PTPN13: variants seen among roughly 807,000 people sequenced by gnomAD.
PTPN13 encodes tyrosine-protein phosphatase non-receptor type 13.
Under a neutral mutation model 284.0 loss-of-function variants are expected in PTPN13, and 191 were observed. The ratio of observed to expected loss-of-function variants is 0.67; its 90% CI spans 0.60 to 0.76. The LOEUF is 0.76. Among genes scored for constraint, PTPN13 ranks in the 30% least tolerant of loss-of-function variants. The probability of loss-of-function intolerance (pLI) is 0.00; values close to 1 mark genes in which losing one functional copy is unlikely to be tolerated. For missense variants in PTPN13, 2,797 were observed against 2,939.9 expected (o/e 0.95, Z 1.12); for synonymous variants, 986 against 1,022.3 (o/e 0.96, Z 0.68).
chr4:86,812,787 T>C (rs183948248), intron 47 of PTPN13, among the ~76,000 whole-genome samples: 293 of 152,186 alleles, frequency 1.9e-3, no homozygotes, highest in Non-Finnish European at 3.5e-3. Context: ...TCCAGGACTT[T>C]GGCTTTTCTC....
chr4:86,729,243 C>T (rs561347276), intron 10 of PTPN13, among the ~76,000 whole-genome samples: 1 of 149,580 alleles, frequency 6.7e-6, no homozygotes, highest in East Asian at 1.9e-4. Flanking sequence ...TTGTGGGTAA[C>T]CCGACCTTTC....
At chr4:86,675,368 G>A (rs561646654) in intron 3 of PTPN13, among the ~76,000 whole-genome samples, 3 of 152,308 alleles carry the variant, frequency 2.0e-5, no homozygotes, top group Admixed American at 1.3e-4. Context: ...GGTCAGAAGA[G>A]TAGCCATATA....
At chr4:86,652,847 C>G (rs1227232408) in intron 2 of PTPN13, among the ~76,000 whole-genome samples, 1 of 151,686 alleles carries the variant, frequency 6.6e-6, no homozygotes, top group Admixed American at 6.6e-5. Flanking sequence ...CACTGTCTGT[C>G]TTTACATCCT....
At position 86,774,557 on chromosome 4, in the gene PTPN13, A is replaced by G. The variant is rs370918034; in HGVS notation, c.5508+26A>G. 1.5e-5 allele frequency: 24 copies of G among 1,563,486 alleles called. No individual in the cohort carries two copies. The East Asian group carries it at 4.6e-4, about 30-fold the overall frequency. On this transcript the variant is annotated intron_variant, in intron 33 of 47. Transcript: ENST00000411767. The stretch of plus-strand genomic sequence containing the variant: ...GTGAGACATTTAAGAGGAATGGATT[A>G]TTTGTGTAAATGTAGACAAAGAGCA...
At chr4:86,688,167 C>T (rs17419929) in intron 4 of PTPN13, among the ~76,000 whole-genome samples, 25,367 of 151,774 alleles carry the variant, frequency 0.17, 2,447 homozygotes, top group East Asian at 0.28. Context: ...TAAGCTAACA[C>T]CTAAAGGATG....
At chr4:86,602,242 G>C (rs1490008554) in intron 1 of PTPN13, among the ~76,000 whole-genome samples, 1 of 152,052 alleles carries the variant, frequency 6.6e-6, no homozygotes, top group African/African-American at 2.4e-5. Context: ...GAATGCCTGG[G>C]TTTTGATCTG....
chr4:86,804,265 G>A (rs1462398396), intron 43 of PTPN13, among the ~76,000 whole-genome samples: 1 of 152,114 alleles, frequency 6.6e-6, no homozygotes, highest in African/African-American at 2.4e-5. Flanking sequence ...AAGCAGCAAT[G>A]GCTCAGAGCC....
At position 86,734,084 on chromosome 4, in the gene PTPN13, A is replaced by T. The variant is rs1367975477; in HGVS notation, c.1859-219A>T. ...GTTGTGACCAGGTGTTGAATCTAGG[A>T]CTGTATGTCTTTAGAGCCGCCATTC... On this transcript the variant is annotated intron_variant, in intron 12 of 47. Transcript: ENST00000411767. Among the ~76,000 whole-genome samples the T allele has an allele frequency of 3.9e-5, 6 of 152,102 alleles. No individual in the cohort carries two copies. In the East Asian group the frequency reaches 1.2e-3, roughly 29 times the overall value.
chr4:86,785,744 T>C lies in PTPN13; in HGVS notation c.6257-104T>C, dbSNP rs897405363. 7.3e-6 allele frequency: 4 copies of C among 548,206 alleles called. No individual in the cohort carries two copies. The African/African-American group carries it at 7.9e-5, about 11-fold the overall frequency. The allele number at this position is 548,206 out of a possible 1,614,324, so 34.0% of individuals were successfully genotyped here. The stretch of plus-strand genomic sequence containing the variant: ...CTAGTTAAAACATTGAAACTATTTA[T>C]GGATATTGGTTTATACACTGCCTTC... On this transcript the variant is annotated intron_variant, in intron 39 of 47. Coordinates refer to ENST00000411767, the MANE Select transcript of PTPN13 (RefSeq NM_080683.3).
Position 86,811,111 on chromosome 4 carries a change from G to A in PTPN13, c.7362+3G>A. ...GACACGGAATGGTTCAGACAGAGGT[G>A]AGTCATGGCTGGGCCTCCTAATGAG... On this transcript the variant is annotated splice_donor_region_variant and intron_variant, in intron 47 of 47. Transcript: ENST00000411767. 1.2e-6 allele frequency: 2 copies of A among 1,611,434 alleles called. No individual in the cohort carries two copies. The highest frequency in any genetic ancestry group is 1.7e-6 in the Non-Finnish European group (2 of 1,178,110).
At chr4:86,627,419 T>C (rs2148687302) in intron 1 of PTPN13, among the ~76,000 whole-genome samples, 1 of 152,230 alleles carries the variant, frequency 6.6e-6, no homozygotes, top group East Asian at 1.9e-4. Context: ...AAGTTGTGGT[T>C]AGTTTCTTCT....
At chr4:86,705,982 T>C (rs1210440384) in intron 7 of PTPN13, among the ~76,000 whole-genome samples, 1 of 152,178 alleles carries the variant, frequency 6.6e-6, no homozygotes, top group African/African-American at 2.4e-5. Flanking sequence ...AATATAGCTT[T>C]TTCCTTAACC....
chr4:86,729,697 T>C (rs1257122096), intron 10 of PTPN13, among the ~76,000 whole-genome samples: 1 of 149,810 alleles, frequency 6.7e-6, no homozygotes, highest in Non-Finnish European at 1.5e-5. Context: ...CATCAGGTCA[T>C]TTAAGGTCTT....
intron 7 of PTPN13, among the ~76,000 whole-genome samples, chr4:86,703,833 C>T (rs1731427600): frequency 6.6e-6 from 1 of 152,070 alleles, no homozygotes; most frequent in East Asian, 1.9e-4. Context: ...CAAGCCACTG[C>T]ACTCTAGACT....
chr4:86,805,355 A>G lies in PTPN13; in HGVS notation c.6731A>G (p.Lys2244Arg). The change falls in exon 44 of 48, where the codon AAA becomes AGA. Residue 2244 changes from lysine to arginine, a missense_variant. By Grantham distance (26) the Lys-to-Arg change is conservative. Coordinates refer to ENST00000411767, the MANE Select transcript of PTPN13 (RefSeq NM_080683.3). ...GAAAACAGAAGGAAGAACAGATATA[A>G]AAATATACTTCCCTGTAAGTTCCAG... ...TKENRRKNRY[K>R]NILPYDATRV... 2 of 1,584,336 alleles carry G rather than the reference A, an allele frequency of 1.3e-6. No homozygotes were observed. The highest frequency in any genetic ancestry group is 1.7e-6 in the Non-Finnish European group (2 of 1,155,852).
chr4:86,801,334 T>A (rs1330674298), intron 42 of PTPN13, among the ~76,000 whole-genome samples: 1 of 152,240 alleles, frequency 6.6e-6, no homozygotes, highest in Non-Finnish European at 1.5e-5. Context: ...ATTTCTGAAG[T>A]GTCTCTCTTA....
chr4:86,721,802 C>T (rs922328428), intron 9 of PTPN13, among the ~76,000 whole-genome samples: 1 of 148,446 alleles, frequency 6.7e-6, no homozygotes, highest in African/African-American at 2.5e-5. Context: ...GCAGTAATAC[C>T]ATCCCAGCTC....
chr4:86,666,408 C>G (rs541456184), intron 2 of PTPN13, among the ~76,000 whole-genome samples: 4 of 152,254 alleles, frequency 2.6e-5, no homozygotes, highest in Non-Finnish European at 4.4e-5. Context: ...TCTCTCTTCT[C>G]TCTCTTCTCT....
At chr4:86,669,798 T>A (rs903208843) in intron 2 of PTPN13, among the ~76,000 whole-genome samples, 1 of 152,124 alleles carries the variant, frequency 6.6e-6, no homozygotes, top group African/African-American at 2.4e-5. Context: ...CTGTGTTAGC[T>A]GTGATCCGCA....
Sources: gnomAD v4.1 joint callset for allele counts (sites outside exome capture counted in the v4.1 genomes callset) on GRCh38, gnomAD v4.1.1 for gene constraint, MANE v1.5 for transcripts, NCBI Gene and HGNC (gene_info 2026-07-23, HGNC 2026-07-21) for gene names.